Variants in WDR62 observed in about 807,000 individuals in gnomAD.
WDR62 encodes the protein WD repeat domain 62.
Under a neutral mutation model 160.6 loss-of-function variants are expected in WDR62, and 112 were observed. The ratio of observed to expected loss-of-function variants is 0.70; its 90% CI spans 0.60 to 0.82. The LOEUF (loss-of-function observed/expected upper bound fraction) is 0.82, where lower values mean the gene tolerates loss of function less well. WDR62 is among the 40% of genes least tolerant of loss of function. The pLI, the probability that WDR62 is intolerant of heterozygous loss-of-function variation, is 0.00. For missense variants in WDR62, 1,819 were observed against 1,983.8 expected (o/e 0.92, Z 1.58); for synonymous variants, 792 against 815.1 (o/e 0.97, Z 0.48).
Position 36,091,181 on chromosome 19 carries a change from T to G in WDR62, c.2035-19T>G. On this transcript the variant is annotated intron_variant, in intron 16 of 31. Coordinates refer to ENST00000401500, the MANE Select transcript of WDR62 (RefSeq NM_001083961.2). ...AGAAGCAGGCAGCTGGAGTGACATG[T>G]GGGTCCCTTTCCTGGCAGGTCCATG... 6.2e-7 allele frequency: 1 copy of G among 1,607,296 alleles called. No individual in the cohort carries two copies. Among genetic ancestry groups the G allele is most frequent in the Non-Finnish European group, 8.5e-7 (1 of 1,175,782 alleles).
Position 36,089,316 on chromosome 19 carries a change from G to A in WDR62, c.1958+10G>A. ...AGGACCGCAATGTGAGGTAAGGGGT[G>A]GCCCTGGACCCTTAGCTGGCCTGGT... On this transcript the variant is annotated intron_variant, in intron 15 of 31. Coordinates refer to ENST00000401500, the MANE Select transcript of WDR62 (RefSeq NM_001083961.2). 6.2e-7 allele frequency: 1 copy of A among 1,614,218 alleles called. No homozygotes were observed. Among genetic ancestry groups the A allele is most frequent in the Non-Finnish European group, 8.5e-7 (1 of 1,180,042 alleles).
intron 11 of WDR62, among the ~76,000 whole-genome samples, chr19:36,084,159 A>G (rs1271192237): frequency 2.0e-5 from 3 of 152,166 alleles, no homozygotes; most frequent in Non-Finnish European, 4.4e-5. Context: ...TGTCTGGAGT[A>G]AGATCACACG....
Position 36,099,632 on chromosome 19 carries a change from C to T in WDR62, c.2739+15C>T, listed in dbSNP as rs764256165. 83 of 1,613,202 alleles carry T rather than the reference C, an allele frequency of 5.1e-5. No individual in the cohort carries two copies. Among genetic ancestry groups the T allele is most frequent in the Middle Eastern group, 1.6e-4 (1 of 6,084 alleles). On this transcript the variant is annotated intron_variant, in intron 22 of 31. Transcript: ENST00000401500. ...TGCTGAGTGAGGTACACACTTCCAC[C>T]GCAGCCTGGCCCATAGCCCCGGCAC... is the stretch of plus-strand genomic sequence containing the variant.
Position 36,083,083 on chromosome 19 carries a change from C to T in WDR62, c.1392C>T (p.Tyr464=), listed in dbSNP as rs151063285. 77 of 1,612,776 alleles carry T rather than the reference C, an allele frequency of 4.8e-5. No homozygotes were observed. The African/African-American group carries it at 5.7e-4, about 12-fold the overall frequency. Residue 464 remains tyrosine (Y), a synonymous_variant, in exon 11 of 32, where the codon TAC becomes TAT. Transcript: ENST00000401500. ...IFSNTLLKVV[Y]VENDIQHLQD... ...TGCAGACCCTGCTGAAGGTCGTGTA[C>T]GTGGAGAATGACATCCAGCACCTGC...
chr19:36,090,558 A>G, intron 16 of WDR62, 38 bp downstream of exon 16: 1 of 1,590,326 alleles, frequency 6.3e-7, no homozygotes, highest in South Asian at 1.1e-5. Context: ...TGCTGCCCTG[A>G]TGGGCCACCT....
At chr19:36,087,436 G>A (rs1231828663) in intron 13 of WDR62, among the ~76,000 whole-genome samples, 1 of 151,734 alleles carries the variant, frequency 6.6e-6, no homozygotes, top group Non-Finnish European at 1.5e-5. Flanking sequence ...GAACCCGGGA[G>A]GCGGAGGTTG....
intron 2 of WDR62, 118 bp downstream of exon 2, chr19:36,058,989 G>C (rs1229990720): frequency 3.6e-6 from 3 of 843,852 alleles, no homozygotes; most frequent in Admixed American, 4.0e-5. Flanking sequence ...TGTGGAGAAT[G>C]GGGCCTGCCT....
At chr19:36,104,121 A>G in intron 30 of WDR62, 140 bp downstream of exon 30, 1 of 1,151,746 alleles carries the variant, frequency 8.7e-7, no homozygotes, top group Non-Finnish European at 1.3e-6. Flanking sequence ...ATATTTAATG[A>G]GCATTACATG....
In WDR62 at chr19:36,104,872, G is replaced by A. The variant is rs1174558139; in HGVS notation, c.4416G>A (p.Val1472=). 6.2e-7 allele frequency: 1 copy of A among 1,612,700 alleles called. No homozygotes were observed. Among genetic ancestry groups the A allele is most frequent in the East Asian group, 2.2e-5 (1 of 44,862 alleles). ...GCCAGCTGGAGGCTGAATGCCTGGT[G>A]GGGACTAGTGTGGCCCCAGCCCAGG... is the stretch of plus-strand genomic sequence containing the variant. ...IHSQLEAECL[V]GTSVAPAQAL... Residue 1472 remains valine (V), a synonymous_variant, in exon 32 of 32, where the codon GTG becomes GTA. Coordinates refer to ENST00000401500, the MANE Select transcript of WDR62 (RefSeq NM_001083961.2).
downstream of WDR62, among the ~76,000 whole-genome samples, chr19:36,109,591 G>A (rs368579238): frequency 2.2e-4 from 33 of 149,600 alleles, 1 homozygote; most frequent in Middle Eastern, 3.5e-3. Flanking sequence ...AAAATTAGCC[G>A]GGTGTGGTGG....
intron 1 of WDR62, among the ~76,000 whole-genome samples, chr19:36,057,435 C>T (rs553646837): frequency 1.3e-5 from 2 of 152,196 alleles, no homozygotes; most frequent in East Asian, 3.9e-4. Context: ...AGTGCCATGG[C>T]TTGGTTGTTT....
intron 10 of WDR62, chr19:36,081,836 C>T (rs1236679918): frequency 6.7e-6 from 4 of 595,722 alleles, no homozygotes; most frequent in East Asian, 3.7e-5. Flanking sequence ...CCACTCCCGG[C>T]AGCCCAACAC....
chr19:36,094,689 A>C (rs1470501453), intron 20 of WDR62, among the ~76,000 whole-genome samples: 1 of 152,110 alleles, frequency 6.6e-6, no homozygotes, highest in Non-Finnish European at 1.5e-5. Context: ...CAGGAGGTCG[A>C]GACCAGCCTG....
At chr19:36,065,074 C>A (rs1166216211) in intron 3 of WDR62, among the ~76,000 whole-genome samples, 1 of 152,124 alleles carries the variant, frequency 6.6e-6, no homozygotes, top group Non-Finnish European at 1.5e-5. Flanking sequence ...TTCTCCTTGG[C>A]CAGACTAAGT....
At chr19:36,081,074 C>T (rs1457419181) in intron 9 of WDR62, among the ~76,000 whole-genome samples, 1 of 152,168 alleles carries the variant, frequency 6.6e-6, no homozygotes, top group Non-Finnish European at 1.5e-5. Context: ...TACAGGCATG[C>T]GCCACCTCCC....
intron 3 of WDR62, among the ~76,000 whole-genome samples, chr19:36,063,472 C>T (rs1385157200): frequency 1.3e-5 from 2 of 151,594 alleles, no homozygotes; most frequent in Non-Finnish European, 1.5e-5. Context: ...AGGCTGGTCA[C>T]GAACTCCTGA....
chr19:36,101,669 G>A lies in WDR62; in HGVS notation c.2977G>A (p.Gly993Arg), dbSNP rs1045959309. 59 of 1,550,384 alleles carry A rather than the reference G, an allele frequency of 3.8e-5. No individual in the cohort carries two copies. Among genetic ancestry groups the A allele is most frequent in the Admixed American group, 9.8e-5 (5 of 50,984 alleles). Residue 993 changes from glycine (G) to arginine (R), a missense_variant, in exon 25 of 32, where the codon GGG (glycine) becomes AGG (arginine). Physicochemically the swap from Gly to Arg is moderately radical, Grantham distance 125 (BLOSUM62 -2). Transcript: ENST00000401500. ...PKDQSPPEDS[G>R]ESEADLECSF... ...ACCCCGACTCTGTCCTTCAGACTCG[G>A]GGGAGTCAGAGGCCGACCTGGAGTG...
Position 36,071,644 on chromosome 19 carries a change from G to A in WDR62, c.971G>A (p.Ser324Asn), listed in dbSNP as rs1207969862. Residue 324 changes from serine (S) to asparagine (N), a missense_variant, in exon 8 of 32, where the codon AGC becomes AAC. By Grantham distance (46) the Ser-to-Asn change is conservative (BLOSUM62 1). Coordinates refer to ENST00000401500, the MANE Select transcript of WDR62 (RefSeq NM_001083961.2). Reference sequence around the variant, plus strand: ...ATAGTCCGCATCTTCCAGGCCCATAGCCTGCACTACCTCGCCAACCTGCCC... The same window carrying A: ...ATAGTCCGCATCTTCCAGGCCCATAACCTGCACTACCTCGCCAACCTGCCC... ...DGIVRIFQAH[S>N]LHYLANLPKP... is the part of the protein sequence containing the mutation. 3.7e-6 allele frequency: 6 copies of A among 1,614,116 alleles called. No individual in the cohort carries two copies. The South Asian group carries it at 6.6e-5, about 18-fold the overall frequency.
At chr19:36,073,124 C>T (rs955586414) in intron 8 of WDR62, among the ~76,000 whole-genome samples, 1 of 152,066 alleles carries the variant, frequency 6.6e-6, no homozygotes, top group Non-Finnish European at 1.5e-5. Flanking sequence ...CTCAATTGCT[C>T]TCGGGGCCAG....
Sources: gnomAD v4.1 joint callset for allele counts (sites outside exome capture counted in the v4.1 genomes callset) on GRCh38, gnomAD v4.1.1 for gene constraint, MANE v1.5 for transcripts, NCBI Gene and HGNC (gene_info 2026-07-23, HGNC 2026-07-21) for gene names.